The following PSD3 variants were observed in gnomAD, a reference collection of about 807,000 sequenced individuals.
PSD3 encodes the protein PH and SEC7 domain-containing protein 3.
Under a neutral mutation model 105.5 loss-of-function variants are expected in PSD3, and 49 were observed. That is an observed-to-expected ratio of 0.46 (90% CI 0.37 to 0.59). The LOEUF (loss-of-function observed/expected upper bound fraction) is 0.59, where lower values mean the gene tolerates loss of function less well. PSD3 is among the 20% of genes least tolerant of loss of function. The probability of loss-of-function intolerance (pLI) is 0.00; values close to 1 mark genes in which losing one functional copy is unlikely to be tolerated. For missense variants in PSD3, 1,561 were observed against 1,263.8 expected (o/e 1.24, Z -3.57); for synonymous variants, 557 against 457.8 (o/e 1.22, Z -2.77).
At chr8:18,562,570 C>T (rs1801461405) in intron 14 of PSD3, among the ~76,000 whole-genome samples, 2 of 152,170 alleles carry the variant, frequency 1.3e-5, no homozygotes, top group African/African-American at 4.8e-5. Flanking sequence ...CAGGGTTACT[C>T]ACCTTGCTCC....
intron 10 of PSD3, among the ~76,000 whole-genome samples, chr8:18,650,304 A>T (rs531701264): frequency 1.3e-5 from 2 of 151,754 alleles, no homozygotes; most frequent in Admixed American, 1.3e-4. Flanking sequence ...CACAAAGAGT[A>T]ATTACTCACT....
At chr8:18,918,593 T>A (rs1820780025) in intron 2 of PSD3, among the ~76,000 whole-genome samples, 1 of 152,360 alleles carries the variant, frequency 6.6e-6, no homozygotes, top group Middle Eastern at 3.4e-3. Context: ...TAGCATCTGG[T>A]ACTTGACATA....
chr8:18,720,168 T>C (rs914478250), intron 9 of PSD3, among the ~76,000 whole-genome samples: 9 of 152,028 alleles, frequency 5.9e-5, no homozygotes, highest in African/African-American at 9.6e-5. Context: ...AGCAGAGAAG[T>C]TGGAAAACAA....
At chr8:18,809,578 AC>A (rs1178473592) in intron 4 of PSD3, among the ~76,000 whole-genome samples, 1 of 152,248 alleles carries the variant, frequency 6.6e-6, no homozygotes, top group Non-Finnish European at 1.5e-5. Flanking sequence ...ACATACTTAT[AC>A]AAAAATATTA....
At chr8:18,918,536 C>G (rs980489664) in intron 2 of PSD3, among the ~76,000 whole-genome samples, 1 of 152,116 alleles carries the variant, frequency 6.6e-6, no homozygotes, top group Non-Finnish European at 1.5e-5. Flanking sequence ...TCACTGAATG[C>G]GTGTTGAAAA....
chr8:18,625,346 T>C (rs148891385), intron 11 of PSD3, among the ~76,000 whole-genome samples: 299 of 152,274 alleles, frequency 2.0e-3, no homozygotes, highest in Non-Finnish European at 2.6e-3. Flanking sequence ...CCCATCATCC[T>C]ATCTGTATGT....
In PSD3 at chr8:18,970,410, A is replaced by G. The variant is rs140858711; in HGVS notation, c.22-34268T>C. On this transcript the variant is annotated intron_variant, in intron 1 of 15. Transcript: ENST00000327040. Reference sequence around the variant, plus strand: ...TATATCTAATTACCGGCAAACCAACATTCCTTATTTTCTTTTATTTGCAAT... The same window carrying G: ...TATATCTAATTACCGGCAAACCAACGTTCCTTATTTTCTTTTATTTGCAAT... 7.4e-3 allele frequency among the ~76,000 whole-genome samples: 1,121 copies of G among 151,696 alleles called. 7 individuals carry two copies. Among genetic ancestry groups the G allele is most frequent in the Non-Finnish European group, 0.01 (699 of 67,902 alleles).
intron 9 of PSD3, among the ~76,000 whole-genome samples, chr8:18,695,359 A>G (rs1043096861): frequency 2.6e-5 from 4 of 152,202 alleles, no homozygotes; most frequent in Non-Finnish European, 4.4e-5. Flanking sequence ...TAAAAAGATA[A>G]CAGCATCTTT....
chr8:18,670,151 G>T (rs974370353), intron 9 of PSD3, among the ~76,000 whole-genome samples: 1 of 152,156 alleles, frequency 6.6e-6, no homozygotes, highest in Non-Finnish European at 1.5e-5. Flanking sequence ...TCTGGGCAAG[G>T]AAACGTAAGA....
chr8:18,585,088 T>A (rs1214068307), intron 12 of PSD3, among the ~76,000 whole-genome samples: 2 of 152,182 alleles, frequency 1.3e-5, no homozygotes, highest in Non-Finnish European at 2.9e-5. Context: ...CACGAAGCCC[T>A]CTGCCTTGCC....
At chr8:18,710,154 C>T (rs1802162471) in intron 9 of PSD3, among the ~76,000 whole-genome samples, 1 of 152,150 alleles carries the variant, frequency 6.6e-6, no homozygotes, top group African/African-American at 2.4e-5. Context: ...ACATAAATGA[C>T]CTCATGGAGC....
chr8:18,990,048 A>G (rs1022694384), intron 1 of PSD3, among the ~76,000 whole-genome samples: 5 of 152,178 alleles, frequency 3.3e-5, no homozygotes, highest in South Asian at 2.1e-4. Flanking sequence ...TCTACACAAA[A>G]TGTGGCTCAT....
chr8:18,899,102 A>C (rs1819332952), intron 2 of PSD3, among the ~76,000 whole-genome samples: 3 of 152,184 alleles, frequency 2.0e-5, no homozygotes, highest in South Asian at 4.2e-4. Flanking sequence ...AGATTATCTC[A>C]TGTCAATTTG....
intron 13 of PSD3, 104 bp from the exon 14 acceptor site, chr8:18,572,776 T>C: frequency 7.8e-7 from 1 of 1,289,020 alleles, no homozygotes; most frequent in Admixed American, 2.0e-5. Flanking sequence ...TGAAAATCAT[T>C]TACTCCTCCT....
intron 9 of PSD3, among the ~76,000 whole-genome samples, chr8:18,724,967 A>C (rs1356525282): frequency 1.3e-5 from 2 of 152,250 alleles, no homozygotes; most frequent in Non-Finnish European, 2.9e-5. Context: ...AGAAAGAAAA[A>C]GAAAAGTCAT....
intron 1 of PSD3, among the ~76,000 whole-genome samples, chr8:19,028,189 T>A (rs571982786): frequency 6.6e-6 from 1 of 152,134 alleles, no homozygotes; most frequent in Admixed American, 6.6e-5. Flanking sequence ...TAAATGATAC[T>A]GAGCATCCAT....
chr8:18,883,157 G>T (rs1005087698), intron 2 of PSD3, among the ~76,000 whole-genome samples: 3 of 152,036 alleles, frequency 2.0e-5, no homozygotes, highest in East Asian at 1.9e-4. Context: ...TTGTATACAC[G>T]TTACAGGATG....
intron 1 of PSD3, among the ~76,000 whole-genome samples, chr8:19,013,326 G>A (rs980687965): frequency 6.6e-6 from 1 of 151,958 alleles, no homozygotes; most frequent in Middle Eastern, 3.4e-3. Flanking sequence ...CAAAGCCGAG[G>A]TATGAACTAA....
chr8:18,828,979 G>C (rs993101491), intron 4 of PSD3, among the ~76,000 whole-genome samples: 1 of 152,130 alleles, frequency 6.6e-6, no homozygotes, highest in African/African-American at 2.4e-5. Flanking sequence ...GGCTGAGGTG[G>C]GCGGACGGCT....
Sources: gnomAD v4.1 joint callset for allele counts (sites outside exome capture counted in the v4.1 genomes callset) on GRCh38, gnomAD v4.1.1 for gene constraint, MANE v1.5 for transcripts, NCBI Gene and HGNC (gene_info 2026-07-23, HGNC 2026-07-21) for gene names.